The following TACR1 variants were observed in gnomAD, a reference collection of about 807,000 sequenced individuals.
TACR1 encodes the protein substance-P receptor.
Under a neutral mutation model 35.8 loss-of-function variants are expected in TACR1, and 25 were observed. The ratio of observed to expected loss-of-function variants is 0.70; its 90% CI spans 0.51 to 0.98. The LOEUF (loss-of-function observed/expected upper bound fraction) is 0.98, where lower values mean the gene tolerates loss of function less well. TACR1 is among the 50% of genes least tolerant of loss of function. The probability of loss-of-function intolerance (pLI) is 0.00; values close to 1 mark genes in which losing one functional copy is unlikely to be tolerated. For missense variants in TACR1, 478 were observed against 522.9 expected, an observed-to-expected ratio of 0.91 and a Z score of 0.84; for synonymous variants, 195 against 206.7, an observed-to-expected ratio of 0.94 and a Z score of 0.48.
intron 3 of TACR1, among the ~76,000 whole-genome samples, chr2:75,052,089 A>G (rs746319684): frequency 1.4e-4 from 21 of 152,236 alleles, no homozygotes; most frequent in Non-Finnish European, 2.6e-4. Flanking sequence ...AATACTGGAT[A>G]CTATGATCTG....
chr2:75,196,849 C>T (rs1443686498), intron 1 of TACR1, among the ~76,000 whole-genome samples: 1 of 152,156 alleles, frequency 6.6e-6, no homozygotes, highest in African/African-American at 2.4e-5. Context: ...AACAAAACCC[C>T]CCAAAAAACT....
At position 75,166,755 on chromosome 2, in the gene TACR1, T is replaced by G. The variant is rs116439049; in HGVS notation, c.389+31791A>C. Among the ~76,000 whole-genome samples, 374 of 152,324 alleles carry G rather than the reference T, an allele frequency of 2.5e-3. 1 individual carries two copies. The highest frequency in any genetic ancestry group is 3.4e-3 in the Non-Finnish European group (229 of 68,032). ...GGCTATTAGAGGTTACATCCTCTTT[T>G]ATTTGGTTCAGGTTATCTGAGGAAA... On this transcript the variant is annotated intron_variant, in intron 1 of 4. Transcript: ENST00000305249.
intron 1 of TACR1, chr2:75,189,571 C>T (rs1223842204): frequency 6.6e-6 from 1 of 152,168 alleles, no homozygotes; most frequent in Non-Finnish European, 1.5e-5. Context: ...TTAAGTGTAA[C>T]ACCTAGGAGG....
intron 2 of TACR1, among the ~76,000 whole-genome samples, chr2:75,110,718 T>C (rs1352038109): frequency 6.6e-6 from 1 of 151,216 alleles, no homozygotes; most frequent in Non-Finnish European, 1.5e-5. Context: ...TAGTTTTTTG[T>C]ATGAATGATC....
intron 1 of TACR1, among the ~76,000 whole-genome samples, chr2:75,131,645 T>C (rs1007569791): frequency 1.3e-5 from 2 of 152,220 alleles, no homozygotes; most frequent in African/African-American, 4.8e-5. Context: ...TAAACTGTGG[T>C]ATCTTACTAA....
chr2:75,049,768 C>G, intron 4 of TACR1, 45 bp from the exon 5 acceptor site: 1 of 1,572,652 alleles, frequency 6.4e-7, no homozygotes, highest in Non-Finnish European at 8.6e-7. Flanking sequence ...GGACGGCCTG[C>G]TCAGAGGGCT....
intron 1 of TACR1, among the ~76,000 whole-genome samples, chr2:75,166,652 G>A (rs1675150004): frequency 6.6e-6 from 1 of 152,248 alleles, no homozygotes; most frequent in African/African-American, 2.4e-5. Context: ...AAGAGAGCAA[G>A]AGTGAGAGAA....
At chr2:75,080,329 C>T (rs755918227) in intron 2 of TACR1, among the ~76,000 whole-genome samples, 19 of 152,164 alleles carry the variant, frequency 1.2e-4, no homozygotes, top group Non-Finnish European at 2.5e-4. Context: ...TGCATGACAA[C>T]ACACATGCAC....
At position 75,101,662 on chromosome 2, in the gene TACR1, T is replaced by C. The variant is rs1673535490; in HGVS notation, c.584+18912A>G. 2.6e-5 allele frequency among the ~76,000 whole-genome samples: 4 copies of C among 152,010 alleles called. 1 individual carries two copies. The South Asian group carries it at 8.3e-4, about 32-fold the overall frequency. The stretch of plus-strand genomic sequence containing the variant: ...CTAGGTTCTCTTTGGCAATTGAAAA[T>C]AAAGGCCGGGCACGGTGGCTCACAC... On this transcript the variant is annotated intron_variant, in intron 2 of 4. Transcript: ENST00000305249.
intron 2 of TACR1, among the ~76,000 whole-genome samples, chr2:75,080,929 G>A (rs1042537992): frequency 6.6e-6 from 1 of 151,784 alleles, no homozygotes; most frequent in African/African-American, 2.4e-5. Context: ...GAAGCCGTGG[G>A]TAGAAATTAG....
rs150250225 is a variant in TACR1 at position 75,132,497 on chromosome 2, ACTC to A, written c.390-11732_390-11730del. Among the ~76,000 whole-genome samples the A allele has an allele frequency of 4.9e-3, 745 of 152,046 alleles. 9 individuals carry two copies. The highest frequency in any genetic ancestry group is 0.016 in the African/African-American group (657 of 41,410). On this transcript the variant is annotated intron_variant, in intron 1 of 4. Coordinates refer to ENST00000305249, the MANE Select transcript of TACR1 (RefSeq NM_001058.4). ...TAGTCATTCTTTATAATTTTTACTC[ACTC>A]CTCATATTGTCAGACTTCTTTTTAT... is the stretch of plus-strand genomic sequence containing the variant.
chr2:75,070,306 C>G (rs1274179039), intron 2 of TACR1, among the ~76,000 whole-genome samples: 2 of 151,552 alleles, frequency 1.3e-5, no homozygotes, highest in East Asian at 3.9e-4. Context: ...CAAGGTACTT[C>G]AGGCTCATGT....
intron 1 of TACR1, among the ~76,000 whole-genome samples, chr2:75,150,174 G>C (rs1674639568): frequency 1.3e-5 from 2 of 152,210 alleles, no homozygotes; most frequent in Non-Finnish European, 2.9e-5. Flanking sequence ...TGAAACACCA[G>C]ACACTTTGCC....
At chr2:75,168,669 T>C (rs1323170658) in intron 1 of TACR1, among the ~76,000 whole-genome samples, 1 of 152,234 alleles carries the variant, frequency 6.6e-6, no homozygotes, top group African/African-American at 2.4e-5. Flanking sequence ...GTTTGGGTTG[T>C]TTCAAGCCAT....
At chr2:75,121,118 A>G (rs778178427) in intron 1 of TACR1, among the ~76,000 whole-genome samples, 3 of 152,224 alleles carry the variant, frequency 2.0e-5, no homozygotes, top group Non-Finnish European at 2.9e-5. Context: ...AATTTATTCA[A>G]TGTAAAGACT....
intron 2 of TACR1, among the ~76,000 whole-genome samples, chr2:75,087,609 G>A (rs541552738): frequency 5.3e-4 from 81 of 152,264 alleles, no homozygotes; most frequent in South Asian, 4.8e-3. Flanking sequence ...GTGATTAAAC[G>A]CCGTGTTGTG....
chr2:75,084,827 T>G (rs951058607), intron 2 of TACR1, among the ~76,000 whole-genome samples: 2 of 152,320 alleles, frequency 1.3e-5, no homozygotes, highest in African/African-American at 4.8e-5. Context: ...TTTTCTTTTT[T>G]ATTAGTCTTG....
chr2:75,135,770 C>T (rs141184954), intron 1 of TACR1, among the ~76,000 whole-genome samples: 1 of 152,214 alleles, frequency 6.6e-6, no homozygotes, highest in East Asian at 1.9e-4. Context: ...GTAAATGGGG[C>T]ACTAACACCC....
intron 2 of TACR1, among the ~76,000 whole-genome samples, chr2:75,098,545 G>T (rs1054763659): frequency 6.6e-6 from 1 of 152,160 alleles, no homozygotes; most frequent in Admixed American, 6.6e-5. Context: ...TCTGAGAATA[G>T]CTGCCTCAAT....
Sources: gnomAD v4.1 joint callset for allele counts (sites outside exome capture counted in the v4.1 genomes callset) on GRCh38, gnomAD v4.1.1 for gene constraint, MANE v1.5 for transcripts, NCBI Gene and HGNC (gene_info 2026-07-23, HGNC 2026-07-21) for gene names.